The following PRKN variants were observed in gnomAD, a reference collection of about 807,000 sequenced individuals.
The protein encoded by PRKN is parkin RBR E3 ubiquitin protein ligase, also known as E3 ubiquitin-protein ligase parkin.
PRKN carries 56 observed loss-of-function variants against 59.5 expected under a neutral mutation model. The observed-to-expected ratio is 0.94, with a 90% CI of 0.76 to 1.18. PRKN has a LOEUF of 1.18. Among genes scored for constraint, PRKN ranks in the 50% most tolerant of loss-of-function variants. The pLI is 0.00. For missense variants in PRKN, 657 were observed against 596.4 expected, an observed-to-expected ratio of 1.10 and a Z score of -1.06; for synonymous variants, 250 against 222.1, an observed-to-expected ratio of 1.13 and a Z score of -1.12.
intron 10 of PRKN, among the ~76,000 whole-genome samples, chr6:161,365,693 A>G (rs1173040570): frequency 6.6e-6 from 1 of 152,214 alleles, no homozygotes; most frequent in Non-Finnish European, 1.5e-5. Context: ...CAGAGTGGGT[A>G]TAACTTGCAG....
intron 6 of PRKN, among the ~76,000 whole-genome samples, chr6:161,832,342 G>A (rs1268866007): frequency 2.6e-5 from 4 of 152,032 alleles, no homozygotes; most frequent in African/African-American, 7.2e-5. Flanking sequence ...CATCAATATC[G>A]GCCGGGTGGG....
In PRKN at chr6:161,746,612, A is replaced by G. The variant is rs188415148; in HGVS notation, c.871+39160T>C. Among the ~76,000 whole-genome samples the G allele has an allele frequency of 1.7e-3, 256 of 146,302 alleles. 1 individual carries two copies. Among genetic ancestry groups the G allele is most frequent in the African/African-American group, 6.3e-3 (253 of 40,016 alleles). On this transcript the variant is annotated intron_variant, in intron 7 of 11. Coordinates refer to ENST00000366898, the MANE Select transcript of PRKN (RefSeq NM_004562.3). Reference sequence around the variant, plus strand: ...ACACACACACATTATACACACACATACATAGATATATACACATATATGTAT... The same window carrying G: ...ACACACACACATTATACACACACATGCATAGATATATACACATATATGTAT...
intron 7 of PRKN, among the ~76,000 whole-genome samples, chr6:161,721,819 AAC>A (rs1787235117): frequency 6.6e-6 from 1 of 152,168 alleles, no homozygotes; most frequent in Non-Finnish European, 1.5e-5. Flanking sequence ...ACTGCTCCCA[AAC>A]ACAGTTCTGC....
In PRKN at chr6:161,529,979, GA is replaced by G. The variant is rs111575081; in HGVS notation, c.1083+18874del. 9.6e-3 allele frequency among the ~76,000 whole-genome samples: 1,456 copies of G among 152,096 alleles called. 27 individuals carry two copies. Among genetic ancestry groups the G allele is most frequent in the African/African-American group, 0.033 (1,377 of 41,480 alleles). ...ACTTTGTAGAGTAGTGAAACTTATT[GA>G]GCATGTTATAAAAACAACAGAGCAG... On this transcript the variant is annotated intron_variant, in intron 9 of 11. Coordinates refer to ENST00000366898, the MANE Select transcript of PRKN (RefSeq NM_004562.3). This position sits in a 1 kb window ranked among gnomAD's most constrained non-coding sequence, Gnocchi z 4.4.
At chr6:162,108,695 C>A (rs551008103) in intron 4 of PRKN, among the ~76,000 whole-genome samples, 1 of 152,156 alleles carries the variant, frequency 6.6e-6, no homozygotes, top group Admixed American at 6.5e-5. Flanking sequence ...TGACAAAGAA[C>A]GGTGAACGGA....
chr6:161,440,558 C>T lies in PRKN; in HGVS notation c.1084-53681G>A, dbSNP rs1789161314. 6.6e-6 allele frequency among the ~76,000 whole-genome samples: 1 copy of T among 152,140 alleles called. No individual in the cohort carries two copies. The highest frequency in any genetic ancestry group is 1.5e-5 in the Non-Finnish European group (1 of 68,026). On this transcript the variant is annotated intron_variant, in intron 9 of 11. Transcript: ENST00000366898. The surrounding 1 kb of genome is among the most constrained non-coding windows in gnomAD (Gnocchi z 4.1). ...ACATGGTCGGCAGACACAGAGGGTT[C>T]CCTCACCAGGGGTCTGGGAGTTGCT...
intron 4 of PRKN, among the ~76,000 whole-genome samples, chr6:162,174,971 A>T (rs1055320701): frequency 6.6e-6 from 1 of 152,320 alleles, no homozygotes; most frequent in East Asian, 1.9e-4. Flanking sequence ...ATAACTTGGA[A>T]ATTACACAGC....
intron 6 of PRKN, among the ~76,000 whole-genome samples, chr6:161,858,524 C>T (rs1205270154): frequency 6.6e-6 from 1 of 152,162 alleles, no homozygotes; most frequent in Non-Finnish European, 1.5e-5. Flanking sequence ...CCCTAACCAT[C>T]AAGATGGTAA....
chr6:162,462,596 C>T (rs1322267465), intron 1 of PRKN, among the ~76,000 whole-genome samples: 1 of 152,086 alleles, frequency 6.6e-6, no homozygotes, highest in African/African-American at 2.4e-5. Flanking sequence ...GTTAAGAGGG[C>T]TAATGTGTAT....
chr6:162,301,243 T>C (rs1583339659), intron 2 of PRKN, among the ~76,000 whole-genome samples: 1 of 152,208 alleles, frequency 6.6e-6, no homozygotes, highest in East Asian at 1.9e-4. Context: ...AAGTAGCGCG[T>C]CCATGGAAGA....
Position 161,578,470 on chromosome 6 carries a change from A to T in PRKN, c.872-9054T>A, listed in dbSNP as rs1781218207. 6.6e-6 allele frequency among the ~76,000 whole-genome samples: 1 copy of T among 152,256 alleles called. No homozygotes were observed. ...TCACCTGGGCAATAATAGCTCTTGT[A>T]TAAGACAACAGTTTCCTTATGAAGG... On this transcript the variant is annotated intron_variant, in intron 7 of 11. Coordinates refer to ENST00000366898, the MANE Select transcript of PRKN (RefSeq NM_004562.3). The surrounding 1 kb of genome is among the most constrained non-coding windows in gnomAD (Gnocchi z 4.2).
At chr6:161,585,979 A>C (rs1781508434) in intron 7 of PRKN, among the ~76,000 whole-genome samples, 1 of 152,094 alleles carries the variant, frequency 6.6e-6, no homozygotes, top group Non-Finnish European at 1.5e-5. Flanking sequence ...AATTTCTTTA[A>C]TTGTTTTTCC....
intron 6 of PRKN, among the ~76,000 whole-genome samples, chr6:161,839,448 G>A (rs1792893990): frequency 6.6e-6 from 1 of 152,090 alleles, no homozygotes; most frequent in Admixed American, 6.6e-5. Context: ...GACGTTCAGG[G>A]TGAGGGCTGG....
intron 3 of PRKN, among the ~76,000 whole-genome samples, chr6:162,202,226 A>G (rs1193601640): frequency 6.6e-6 from 1 of 152,138 alleles, no homozygotes; most frequent in African/African-American, 2.4e-5. Context: ...TTTGGAATGA[A>G]AATCTTCAGC....
At chr6:161,636,678 G>A (rs1783533707) in intron 7 of PRKN, among the ~76,000 whole-genome samples, 2 of 152,164 alleles carry the variant, frequency 1.3e-5, no homozygotes, top group Admixed American at 1.3e-4. Context: ...ATGATCGCTT[G>A]AGGCAGGAGT....
intron 1 of PRKN, among the ~76,000 whole-genome samples, chr6:162,463,342 A>G (rs2128175092): frequency 6.6e-6 from 1 of 152,302 alleles, no homozygotes; most frequent in African/African-American, 2.4e-5. Context: ...ATAAGAAACA[A>G]AACCCAAATC....
At chr6:161,717,171 C>T (rs2128184167) in intron 7 of PRKN, among the ~76,000 whole-genome samples, 1 of 152,292 alleles carries the variant, frequency 6.6e-6, no homozygotes, top group South Asian at 2.1e-4. Flanking sequence ...TTATAAAGAA[C>T]AGACATTTCT....
chr6:161,762,949 A>G lies in PRKN; in HGVS notation c.871+22823T>C, dbSNP rs562009571. On this transcript the variant is annotated intron_variant, in intron 7 of 11. Coordinates refer to ENST00000366898, the MANE Select transcript of PRKN (RefSeq NM_004562.3). ...TAAGTAGACAAAAAATGGAGAGAAC[A>G]TGAAATACTGAGAGACTACTGAGGA... is the stretch of plus-strand genomic sequence containing the variant. Among the ~76,000 whole-genome samples, 5 of 152,340 alleles carry G rather than the reference A, an allele frequency of 3.3e-5. No homozygotes were observed. In the South Asian group the frequency reaches 1.0e-3, roughly 32 times the overall value.
intron 7 of PRKN, among the ~76,000 whole-genome samples, chr6:161,723,885 A>G (rs1037065575): frequency 5.9e-5 from 9 of 152,138 alleles, no homozygotes; most frequent in African/African-American, 2.2e-4. Context: ...CGGCCTCAAC[A>G]GGGAAGACAG....
Sources: gnomAD v4.1 joint callset for allele counts (sites outside exome capture counted in the v4.1 genomes callset) on GRCh38, gnomAD v4.1.1 for gene constraint, Gnocchi (gnomAD v3.1) non-coding constraint, MANE v1.5 for transcripts, NCBI Gene and HGNC (gene_info 2026-07-23, HGNC 2026-07-21) for gene names.